Variants in CEP43 observed in about 807,000 individuals in gnomAD.
CEP43 encodes FGFR1 oncogene partner.
CEP43 carries 36 observed loss-of-function variants against 52.6 expected under a neutral mutation model. That is an observed-to-expected ratio of 0.68 (90% CI 0.52 to 0.90). CEP43 has a LOEUF of 0.90. Ranked by LOEUF, CEP43 falls within the 40% of genes least tolerant of loss-of-function variation. The probability of loss-of-function intolerance (pLI) is 0.00; values close to 1 mark genes in which losing one functional copy is unlikely to be tolerated. For synonymous variants in CEP43, 192 were observed against 172.4 expected (o/e 1.11, Z -0.89); for missense variants, 506 against 472.8 (o/e 1.07, Z -0.65).
intron 10 of CEP43, chr6:167,027,770 T>A: frequency 1.7e-6 from 1 of 588,224 alleles, no homozygotes. Context: ...AGGATTTAAA[T>A]ATCTCTTCAT....
At chr6:167,023,166 G>C (rs1404771711) in intron 8 of CEP43, among the ~76,000 whole-genome samples, 9 of 152,144 alleles carry the variant, frequency 5.9e-5, no homozygotes, top group Non-Finnish European at 1.0e-4. Context: ...AGGCGAGTTG[G>C]GGGTAGCAGA....
At chr6:167,000,166 T>C in intron 2 of CEP43, 53 bp downstream of exon 2, 1 of 1,350,658 alleles carries the variant, frequency 7.4e-7, no homozygotes, top group Non-Finnish European at 1.0e-6. Context: ...CTTAATTTCT[T>C]ATTCATTAAA....
In CEP43 at chr6:167,049,283, C is replaced by T. The variant is rs1304736776; in HGVS notation, c.*9305C>T. 1 of 152,222 alleles carries T rather than the reference C, an allele frequency of 6.6e-6. No homozygotes were observed. Among genetic ancestry groups the T allele is most frequent in the African/African-American group, 2.4e-5 (1 of 41,458 alleles). The allele number at this position is 152,222 out of a possible 1,614,324, so 9.4% of individuals were successfully genotyped here. On this transcript the variant is annotated 3_prime_UTR_variant, in exon 13 of 13. Transcript: ENST00000366847. ...AGGCAACTCTAAATTTTATGAACTTCAAGTGCTATAAAACAATTACCACAG... is the reference window on the plus strand; with the variant it reads ...AGGCAACTCTAAATTTTATGAACTTTAAGTGCTATAAAACAATTACCACAG...
intron 4 of CEP43, chr6:167,004,021 A>T: frequency 3.4e-6 from 2 of 592,306 alleles, no homozygotes; most frequent in Non-Finnish European, 5.8e-6. Context: ...AAGCTTGCTA[A>T]TAAAAGTGTT....
chr6:167,010,210 C>T (rs1779955628), intron 5 of CEP43, among the ~76,000 whole-genome samples: 1 of 152,180 alleles, frequency 6.6e-6, no homozygotes, highest in Non-Finnish European at 1.5e-5. Flanking sequence ...ATTTTAAAAA[C>T]CTCCTCCTTG....
intron 10 of CEP43, among the ~76,000 whole-genome samples, chr6:167,029,435 A>T (rs1209069721): frequency 6.6e-6 from 1 of 152,240 alleles, no homozygotes; most frequent in Non-Finnish European, 1.5e-5. Flanking sequence ...TTCTTACCAG[A>T]TGAGCATCCC....
chr6:166,999,835 C>T, intron 1 of CEP43: 1 of 563,896 alleles, frequency 1.8e-6, no homozygotes, highest in Non-Finnish European at 3.1e-6. Context: ...CCCAGCGTCT[C>T]TTCCTCAGGC....
intron 5 of CEP43, among the ~76,000 whole-genome samples, chr6:167,006,653 C>T (rs1779861218): frequency 6.6e-6 from 1 of 152,202 alleles, no homozygotes; most frequent in Non-Finnish European, 1.5e-5. Context: ...GCAAATATGT[C>T]ATTTCACATA....
chr6:167,021,977 T>C (rs1325375654), intron 7 of CEP43, among the ~76,000 whole-genome samples: 1 of 152,208 alleles, frequency 6.6e-6, no homozygotes, highest in Non-Finnish European at 1.5e-5. Flanking sequence ...TTAATAATAA[T>C]GATCTCTCCT....
In CEP43 at chr6:167,003,200, C is replaced by A; in HGVS notation, c.164C>A (p.Thr55Asn). 4 of 1,419,264 alleles carry A rather than the reference C, an allele frequency of 2.8e-6. No homozygotes were observed. Among genetic ancestry groups the A allele is most frequent in the Non-Finnish European group, 3.8e-6 (4 of 1,039,908 alleles). The allele number at this position is 1,419,264 out of a possible 1,614,324, so 87.9% of individuals were successfully genotyped here. Reference sequence around the variant, plus strand: ...TTTTTTTTTTTTTAACAGAACAAAACTCCTTTAGTTAATGAGAGCCTGAAA... The same window carrying A: ...TTTTTTTTTTTTTAACAGAACAAAAATCCTTTAGTTAATGAGAGCCTGAAA... ...LEEQEKVENK[T>N]PLVNESLKKF... Residue 55 changes from threonine (T) to asparagine (N), a missense_variant, in exon 3 of 13, where the codon ACT (threonine) becomes AAT (asparagine). Thr to Asn is a moderately conservative substitution (Grantham distance 65). Transcript: ENST00000366847.
At chr6:167,025,826 CATT>C (rs1165023764) in intron 9 of CEP43, among the ~76,000 whole-genome samples, 6 of 152,126 alleles carry the variant, frequency 3.9e-5, no homozygotes, top group African/African-American at 7.2e-5. Context: ...AGAGAATGAT[CATT>C]TAGAGAGGAC....
intron 5 of CEP43, among the ~76,000 whole-genome samples, chr6:167,008,720 C>A (rs560913372): frequency 1.3e-5 from 2 of 152,066 alleles, no homozygotes; most frequent in African/African-American, 4.8e-5. Context: ...GTGATCCACC[C>A]GCCTTGGCCT....
intron 8 of CEP43, among the ~76,000 whole-genome samples, chr6:167,024,130 A>G (rs925928088): frequency 2.0e-5 from 3 of 152,114 alleles, no homozygotes; most frequent in Non-Finnish European, 4.4e-5. Flanking sequence ...TGTTTGCTGG[A>G]AAAGTGGAGA....
rs752745659 is a variant in CEP43, at chr6:167,003,806, A to G, written c.295A>G (p.Ser99Gly). The change falls in exon 4 of 13, where the codon AGC (serine) becomes GGC (glycine). Residue 99 changes from serine to glycine, a missense_variant. Ser to Gly is a moderately conservative substitution (Grantham distance 56, BLOSUM62 0). Transcript: ENST00000366847. ...FTLAVFQPET[S>G]TLQGLEGREN... ...TTTGGCTGTTTTTCAACCTGAAACT[A>G]GCACAGTAAGAATAATGATTTTTAC... 1.6e-5 allele frequency: 26 copies of G among 1,582,462 alleles called. No individual in the cohort carries two copies. The Admixed American group carries it at 3.2e-4, about 19-fold the overall frequency.
chr6:167,030,910 T>G (rs1780456564), intron 10 of CEP43, among the ~76,000 whole-genome samples: 1 of 150,980 alleles, frequency 6.6e-6, no homozygotes, highest in Non-Finnish European at 1.5e-5. Flanking sequence ...AGATCCTTAT[T>G]GCAACCAACC....
rs538145366 is a variant in CEP43, at chr6:167,036,787, G to A, written c.1125+2816G>A. The stretch of plus-strand genomic sequence containing the variant: ...CTAAAACTAAGGAGGCATGAAAGCC[G>A]CCTTTATTAGTTTTGTTTTTGTTTT... On this transcript the variant is annotated intron_variant, in intron 12 of 12. Transcript: ENST00000366847. 3.1e-4 allele frequency: 302 copies of A among 984,194 alleles called. No homozygotes were observed. The African/African-American group carries it at 4.5e-3, about 15-fold the overall frequency. 61.0% of individuals were successfully genotyped at this position (984,194 alleles called of 1,614,324 possible). A position where few individuals can be genotyped will look rare whatever the true frequency, so the allele number is the denominator to read the frequency against.
chr6:167,011,405 C>T (rs888106003), intron 6 of CEP43, among the ~76,000 whole-genome samples: 2 of 151,698 alleles, frequency 1.3e-5, no homozygotes, highest in African/African-American at 2.4e-5. Context: ...TGCATGTGTG[C>T]GTCTGTTTGT....
chr6:166,999,943 CT>C, intron 1 of CEP43, 116 bp from the exon 2 acceptor site: 3 of 822,644 alleles, frequency 3.6e-6, no homozygotes, highest in South Asian at 1.6e-5. Context: ...CGTTTCTGAC[CT>C]TTGCACCTGC....
In CEP43 at chr6:167,003,778, T is replaced by G. The variant is rs140062109; in HGVS notation, c.267T>G (p.Phe89Leu). 2.5e-4 allele frequency: 396 copies of G among 1,611,840 alleles called. No individual in the cohort carries two copies. Among genetic ancestry groups the G allele is most frequent in the Non-Finnish European group, 2.2e-4 (257 of 1,178,430 alleles). ...AEFLQFFNLDFTLAVFQPETS... is the reference protein window; with the variant it reads ...AEFLQFFNLDLTLAVFQPETS... Reference sequence around the variant, plus strand: ...TTCTTCAGTTTTTTAACCTTGACTTTACTTTGGCTGTTTTTCAACCTGAAA... The same window carrying G: ...TTCTTCAGTTTTTTAACCTTGACTTGACTTTGGCTGTTTTTCAACCTGAAA... The change falls in exon 4 of 13, where the codon TTT becomes TTG. Residue 89 changes from phenylalanine to leucine, a missense_variant. By Grantham distance (22) the Phe-to-Leu change is conservative. Coordinates refer to ENST00000366847, the MANE Select transcript of CEP43 (RefSeq NM_007045.4).
Sources: gnomAD v4.1 joint callset for allele counts (sites outside exome capture counted in the v4.1 genomes callset) on GRCh38, gnomAD v4.1.1 for gene constraint, MANE v1.5 for transcripts, NCBI Gene and HGNC (gene_info 2026-07-23, HGNC 2026-07-21) for gene names.